The following KCNS2 variants were observed in gnomAD, a reference collection of about 807,000 sequenced individuals.
KCNS2 encodes delayed-rectifier potassium channel regulatory subunit KCNS2.
Under a neutral mutation model 28.3 loss-of-function variants are expected in KCNS2, and 15 were observed. The observed-to-expected ratio is 0.53, with a 90% confidence interval of 0.35 to 0.82. The LOEUF (loss-of-function observed/expected upper bound fraction) is 0.82. Among genes scored for constraint, KCNS2 ranks in the 40% least tolerant of loss-of-function variants. The pLI is 0.01. For synonymous variants in KCNS2, 254 were observed against 256.7 expected (o/e 0.99, Z 0.10); for missense variants, 501 against 617.1 (o/e 0.81, Z 1.99).
rs1563599710 is a variant in KCNS2, at chr8:98,428,282, C to T, written c.303C>T (p.Phe101=). The change falls in exon 2 of 2, where the codon TTC becomes TTT. Residue 101 remains phenylalanine, a synonymous_variant. Coordinates refer to ENST00000287042, the MANE Select transcript of KCNS2 (RefSeq NM_020697.4). This position sits in a 1 kb window ranked among gnomAD's most constrained non-coding sequence, Gnocchi z 6.7. ...HVMAELCVFS[F]SQEIEYWGIN... is the part of the protein sequence containing the mutation. ...TGGCTGAGCTATGTGTCTTCTCCTTCAGCCAGGAGATCGAGTACTGGGGCA... is the reference window on the plus strand; with the variant it reads ...TGGCTGAGCTATGTGTCTTCTCCTTTAGCCAGGAGATCGAGTACTGGGGCA... 6.2e-7 allele frequency: 1 copy of T among 1,614,134 alleles called. No individual in the cohort carries two copies. Among genetic ancestry groups the T allele is most frequent in the Non-Finnish European group, 8.5e-7 (1 of 1,180,032 alleles).
rs767207753 is a variant in KCNS2, at chr8:98,428,004, G to A, written c.25G>A (p.Val9Met). 1.3e-5 allele frequency: 21 copies of A among 1,576,380 alleles called. No homozygotes were observed. The East Asian group carries it at 2.6e-4, about 19-fold the overall frequency. Residue 9 changes from valine (V) to methionine (M), a missense_variant, in exon 2 of 2, where the codon GTG becomes ATG. Physicochemically the swap from Val to Met is conservative, Grantham distance 21 (BLOSUM62 1). Transcript: ENST00000287042. This position sits in a 1 kb window ranked among gnomAD's most constrained non-coding sequence, Gnocchi z 6.7. ...CATGACCGGCCAGAGCCTGTGGGAC[G>A]TGTCGGAGGCTAACGTCGAGGACGG... MTGQSLWD[V>M]SEANVEDGEI...
At position 98,429,994 on chromosome 8, in the gene KCNS2, T is replaced by C. The variant is rs1478094118; in HGVS notation, c.*581T>C. 1.2e-5 allele frequency: 2 copies of C among 167,266 alleles called. No homozygotes were observed. The highest frequency in any genetic ancestry group is 3.8e-4 in the East Asian group (2 of 5,210). The allele number at this position is 167,266 out of a possible 1,614,324, so 10.4% of individuals were successfully genotyped here. ...CCAATGCAAGTCTCTAAGTTGTTTT[T>C]ATAAATGATCTGTAGTTCCGTGGCT... On this transcript the variant is annotated 3_prime_UTR_variant, in exon 2 of 2. Coordinates refer to ENST00000287042, the MANE Select transcript of KCNS2 (RefSeq NM_020697.4).
rs577592094 is a variant in KCNS2 at position 98,431,600 on chromosome 8, C to T, written c.*2187C>T. ...GGTCACTGAGCCTGGTATCCATGGC[C>T]GCTGACCAGGAAGCTTATGCAAAGT... On this transcript the variant is annotated 3_prime_UTR_variant, in exon 2 of 2. Coordinates refer to ENST00000287042, the MANE Select transcript of KCNS2 (RefSeq NM_020697.4). 1 of 167,114 alleles carries T rather than the reference C, an allele frequency of 6.0e-6. No homozygotes were observed. The highest frequency in any genetic ancestry group is 2.4e-5 in the African/African-American group (1 of 41,524). The allele number at this position is 167,114 out of a possible 1,614,324, so 10.4% of individuals were successfully genotyped here.
Position 98,428,088 on chromosome 8 carries a change from C to A in KCNS2, c.109C>A (p.Arg37Ser). ...GAGGCTGCGCTCGCACACGCTGCTGCGCTTCCCCGAGACGCGCCTGGGCCG... is the reference window on the plus strand; with the variant it reads ...GAGGCTGCGCTCGCACACGCTGCTGAGCTTCCCCGAGACGCGCCTGGGCCG... ...KRRLRSHTLL[R>S]FPETRLGRLL... Residue 37 changes from arginine to serine, a missense_variant, in exon 2 of 2, where the codon CGC (arginine) becomes AGC (serine). Coordinates refer to ENST00000287042, the MANE Select transcript of KCNS2 (RefSeq NM_020697.4). This position sits in a 1 kb window ranked among gnomAD's most constrained non-coding sequence, Gnocchi z 6.7. 1.2e-6 allele frequency: 2 copies of A among 1,613,810 alleles called. No homozygotes were observed. The highest frequency in any genetic ancestry group is 1.7e-6 in the Non-Finnish European group (2 of 1,179,988).
rs1276152493 is a variant in KCNS2 at position 98,428,666 on chromosome 8, C to T, written c.687C>T (p.Ile229=). 3 of 1,614,094 alleles carry T rather than the reference C, an allele frequency of 1.9e-6. No homozygotes were observed. Among genetic ancestry groups the T allele is most frequent in the Admixed American group, 1.7e-5 (1 of 60,004 alleles). Residue 229 remains isoleucine (I), a synonymous_variant, in exon 2 of 2, where the codon ATC becomes ATT. Transcript: ENST00000287042. The surrounding 1 kb of genome is among the most constrained non-coding windows in gnomAD (Gnocchi z 6.7). ...GNPGEDPRFE[I]VEHFGIAWFT... is the part of the protein sequence containing the mutation. ...CTGGCGAGGACCCTAGGTTCGAAAT[C>T]GTGGAGCACTTTGGCATTGCCTGGT...
chr8:98,429,328 A>G lies in KCNS2; in HGVS notation c.1349A>G (p.His450Arg), dbSNP rs752051290. 2 of 1,614,188 alleles carry G rather than the reference A, an allele frequency of 1.2e-6. No individual in the cohort carries two copies. The highest frequency in any genetic ancestry group is 3.3e-5 in the Admixed American group (2 of 60,038). ...PSVNLRDYYA[H>R]KVKSLMASLT... ...GTCAATTTAAGGGACTATTATGCCCATAAAGTTAAATCCCTTATGGCAAGC... is the reference window on the plus strand; with the variant it reads ...GTCAATTTAAGGGACTATTATGCCCGTAAAGTTAAATCCCTTATGGCAAGC... Residue 450 changes from histidine (H) to arginine (R), a missense_variant, in exon 2 of 2, where the codon CAT becomes CGT. His to Arg is a conservative substitution (Grantham distance 29). Coordinates refer to ENST00000287042, the MANE Select transcript of KCNS2 (RefSeq NM_020697.4).
chr8:98,432,257 G>A lies in KCNS2; in HGVS notation c.*2844G>A, dbSNP rs1431347965. 1 of 166,986 alleles carries A rather than the reference G, an allele frequency of 6.0e-6. No individual in the cohort carries two copies. The highest frequency in any genetic ancestry group is 1.5e-5 in the Non-Finnish European group (1 of 68,136). The allele number at this position is 166,986 out of a possible 1,614,324, so 10.3% of individuals were successfully genotyped here. A position where few individuals can be genotyped will look rare whatever the true frequency, so the allele number is the denominator to read the frequency against. On this transcript the variant is annotated 3_prime_UTR_variant, in exon 2 of 2. Coordinates refer to ENST00000287042, the MANE Select transcript of KCNS2 (RefSeq NM_020697.4). ...GACTGACCTGTAAACCTCCTTTAGGGGGACAGAGTAGAAACTGGAGATGAC... is the reference window on the plus strand; with the variant it reads ...GACTGACCTGTAAACCTCCTTTAGGAGGACAGAGTAGAAACTGGAGATGAC...
At position 98,429,509 on chromosome 8, in the gene KCNS2, T is replaced by C; in HGVS notation, c.*96T>C. 4 of 862,868 alleles carry C rather than the reference T, an allele frequency of 4.6e-6. No homozygotes were observed. The highest frequency in any genetic ancestry group is 7.3e-6 in the Non-Finnish European group (4 of 546,838). The allele number at this position is 862,868 out of a possible 1,614,324, so 53.5% of individuals were successfully genotyped here. A position where few individuals can be genotyped will look rare whatever the true frequency, so the allele number is the denominator to read the frequency against. On this transcript the variant is annotated 3_prime_UTR_variant, in exon 2 of 2. Coordinates refer to ENST00000287042, the MANE Select transcript of KCNS2 (RefSeq NM_020697.4). ...CCTTATGGTTATGGTGTAAGGAGTA[T>C]GCCCAGCCCCTGAGGGGAGAGATGC...
chr8:98,427,786 G>A (rs1740231887), intron 1 of KCNS2, 152 bp from the exon 2 acceptor site: 1 of 562,712 alleles, frequency 1.8e-6, no homozygotes, highest in East Asian at 2.9e-5. Context: ...CCTTTCCTGG[G>A]AGGGGATCAG....
chr8:98,429,255 G>C lies in KCNS2; in HGVS notation c.1276G>C (p.Ala426Pro). ...FYRRQKQLES[A>P]MRSCDFGDGM... ...CCGGCGCCAAAAGCAACTTGAGAGTGCCATGCGCAGCTGTGACTTTGGAGA... is the reference window on the plus strand; with the variant it reads ...CCGGCGCCAAAAGCAACTTGAGAGTCCCATGCGCAGCTGTGACTTTGGAGA... Residue 426 changes from alanine to proline, a missense_variant, in exon 2 of 2, where the codon GCC becomes CCC. By Grantham distance (27) the Ala-to-Pro change is conservative. Transcript: ENST00000287042. 6.2e-7 allele frequency: 1 copy of C among 1,614,082 alleles called. No individual in the cohort carries two copies.
rs1196903500 is a variant in KCNS2, at chr8:98,430,415, T to TGG, written c.*1003_*1004insGG. ...CTTCCTCAACTAAAAAGAAGTTTAC[T>TGG]GTTGTATCGTCTCCCTGAGGTGAAC... On this transcript the variant is annotated 3_prime_UTR_variant, in exon 2 of 2. Transcript: ENST00000287042. 6.0e-6 allele frequency: 1 copy of TGG among 167,132 alleles called. No individual in the cohort carries two copies. The highest frequency in any genetic ancestry group is 1.5e-5 in the Non-Finnish European group (1 of 68,128). The allele number at this position is 167,132 out of a possible 1,614,324, so 10.4% of individuals were successfully genotyped here.
In KCNS2 at chr8:98,426,973, C is replaced by G. The variant is rs1818242912; in HGVS notation, c.-399C>G. 1 of 150,756 alleles carries G rather than the reference C, an allele frequency of 6.6e-6. No homozygotes were observed. The highest frequency in any genetic ancestry group is 1.5e-5 in the Non-Finnish European group (1 of 67,506). 9.3% of individuals were successfully genotyped at this position (150,756 alleles called of 1,614,324 possible). A position where few individuals can be genotyped will look rare whatever the true frequency, so the allele number is the denominator to read the frequency against. On this transcript the variant is annotated 5_prime_UTR_variant, in exon 1 of 2. Coordinates refer to ENST00000287042, the MANE Select transcript of KCNS2 (RefSeq NM_020697.4). ...CCGTTCAGCACCACCGCGCCGCGCC[C>G]CGCGCAGGGCGGGCGCCCCGTCACA...
rs563810314 is a variant in KCNS2, at chr8:98,429,511, C to A, written c.*98C>A. The A allele has an allele frequency of 1.1e-5, 9 of 849,472 alleles. No homozygotes were observed. Among genetic ancestry groups the A allele is most frequent in the Non-Finnish European group, 1.5e-5 (8 of 536,000 alleles). The allele number at this position is 849,472 out of a possible 1,614,324, so 52.6% of individuals were successfully genotyped here. On this transcript the variant is annotated 3_prime_UTR_variant, in exon 2 of 2. Coordinates refer to ENST00000287042, the MANE Select transcript of KCNS2 (RefSeq NM_020697.4). ...TTATGGTTATGGTGTAAGGAGTATG[C>A]CCAGCCCCTGAGGGGAGAGATGCAT...
intron 1 of KCNS2, 119 bp downstream of exon 1, chr8:98,427,448 G>A (rs1381232021): frequency 6.6e-6 from 1 of 152,194 alleles, no homozygotes; most frequent in East Asian, 2.0e-4. Context: ...GGGACGCGGG[G>A]GCTGCAGGCG....
chr8:98,428,970 C>T lies in KCNS2; in HGVS notation c.991C>T (p.Leu331=). Residue 331 remains leucine (L), a synonymous_variant, in exon 2 of 2, where the codon CTG becomes TTG. Transcript: ENST00000287042. This position sits in a 1 kb window ranked among gnomAD's most constrained non-coding sequence, Gnocchi z 6.7. ...GAAATACAGCTACAAAGAAGTAGGG[C>T]TGCTCTTGCTCTACCTCTCCGTGGG... is the stretch of plus-strand genomic sequence containing the variant. ...TLKYSYKEVG[L]LLLYLSVGIS... 1 of 1,614,166 alleles carries T rather than the reference C, an allele frequency of 6.2e-7. No individual in the cohort carries two copies. The highest frequency in any genetic ancestry group is 8.5e-7 in the Non-Finnish European group (1 of 1,180,032).
At chr8:98,427,623 C>G (rs552856713) in intron 1 of KCNS2, 15 of 174,068 alleles carry the variant, frequency 8.6e-5, no homozygotes, top group Non-Finnish European at 1.3e-4. Context: ...CTGCGGCGAG[C>G]GGGCGGGGGC....
chr8:98,429,294 G>T lies in KCNS2; in HGVS notation c.1315G>T (p.Val439Phe). 3.1e-6 allele frequency: 5 copies of T among 1,614,108 alleles called. No homozygotes were observed. Among genetic ancestry groups the T allele is most frequent in the Non-Finnish European group, 4.2e-6 (5 of 1,180,018 alleles). Residue 439 changes from valine (V) to phenylalanine (F), a missense_variant, in exon 2 of 2, where the codon GTC (valine) becomes TTC (phenylalanine). Val to Phe is a conservative substitution (Grantham distance 50, BLOSUM62 -1). Transcript: ENST00000287042. ...TGACTTTGGAGATGGAATGAAGGAGGTCCCTTCGGTCAATTTAAGGGACTA... is the reference window on the plus strand; with the variant it reads ...TGACTTTGGAGATGGAATGAAGGAGTTCCCTTCGGTCAATTTAAGGGACTA... ...SCDFGDGMKEVPSVNLRDYYA... is the reference protein window; with the variant it reads ...SCDFGDGMKEFPSVNLRDYYA...
chr8:98,428,066 G>T lies in KCNS2; in HGVS notation c.87G>T (p.Arg29Ser), dbSNP rs1818268129. ...TCAATGTGGGCGGCTTCAAGAGGAGGCTGCGCTCGCACACGCTGCTGCGCT... is the reference window on the plus strand; with the variant it reads ...TCAATGTGGGCGGCTTCAAGAGGAGTCTGCGCTCGCACACGCTGCTGCGCT... ...IRINVGGFKR[R>S]LRSHTLLRFP... The change falls in exon 2 of 2, where the codon AGG (arginine) becomes AGT (serine). Residue 29 changes from arginine (R) to serine (S), a missense_variant. Physicochemically the swap from Arg to Ser is moderately radical, Grantham distance 110 (BLOSUM62 -1). Coordinates refer to ENST00000287042, the MANE Select transcript of KCNS2 (RefSeq NM_020697.4). This position sits in a 1 kb window ranked among gnomAD's most constrained non-coding sequence, Gnocchi z 6.7. The T allele has an allele frequency of 6.2e-7, 1 of 1,613,186 alleles. No homozygotes were observed.
chr8:98,427,777 C>A (rs548776392), intron 1 of KCNS2, 161 bp from the exon 2 acceptor site: 235 of 554,076 alleles, frequency 4.2e-4, no homozygotes, highest in Non-Finnish European at 6.6e-4. Context: ...CACCCCCAGC[C>A]TTTCCTGGGA....
Sources: gnomAD v4.1 joint callset for allele counts on GRCh38, gnomAD v4.1.1 for gene constraint, Gnocchi (gnomAD v3.1) non-coding constraint, MANE v1.5 for transcripts, NCBI Gene and HGNC (gene_info 2026-07-23, HGNC 2026-07-21) for gene names.